The following LEF1 variants were observed in gnomAD, a reference collection of about 807,000 sequenced individuals.
LEF1 encodes the protein lymphoid enhancer binding factor 1.
In LEF1, 14 loss-of-function variants were observed where a neutral mutation model predicts 51.2. That is an observed-to-expected ratio of 0.27 (90% CI 0.18 to 0.43). LEF1 has a LOEUF of 0.43. LEF1 is among the 20% of genes least tolerant of loss of function. The pLI is 1.00. For missense variants in LEF1, 386 were observed against 512.0 expected, an observed-to-expected ratio of 0.75 and a Z score of 2.37; for synonymous variants, 185 against 183.2, an observed-to-expected ratio of 1.01 and a Z score of -0.08.
At chr4:108,101,533 G>A (rs1165189183) in intron 3 of LEF1, among the ~76,000 whole-genome samples, 1 of 152,196 alleles carries the variant, frequency 6.6e-6, no homozygotes. Flanking sequence ...ATTGAAGAAT[G>A]TTCTCAAGAC....
chr4:108,137,947 G>C (rs1743402622), intron 3 of LEF1, among the ~76,000 whole-genome samples: 1 of 152,028 alleles, frequency 6.6e-6, no homozygotes, highest in Non-Finnish European at 1.5e-5. Flanking sequence ...AAAGACTAGG[G>C]AAAAATGTGA....
At chr4:108,114,474 G>GC (rs1352770108) in intron 3 of LEF1, among the ~76,000 whole-genome samples, 1 of 152,120 alleles carries the variant, frequency 6.6e-6, no homozygotes, top group African/African-American at 2.4e-5. Context: ...CAACACACAA[G>GC]CATCTTATGT....
At chr4:108,091,460 A>T (rs544967304) in intron 3 of LEF1, among the ~76,000 whole-genome samples, 1 of 151,922 alleles carries the variant, frequency 6.6e-6, no homozygotes, top group Admixed American at 6.6e-5. Context: ...GGGGGAAAAA[A>T]AAGGAAAAAA....
At chr4:108,125,146 CTTTA>C (rs957271131) in intron 3 of LEF1, among the ~76,000 whole-genome samples, 5 of 151,826 alleles carry the variant, frequency 3.3e-5, no homozygotes, top group Non-Finnish European at 7.4e-5. Context: ...ATCTGTGTAC[CTTTA>C]TTTATTTATT....
At chr4:108,157,183 CACA>C (rs1744777962) in intron 3 of LEF1, among the ~76,000 whole-genome samples, 7 of 129,046 alleles carry the variant, frequency 5.4e-5, no homozygotes, top group African/African-American at 1.7e-4. Flanking sequence ...TATATATACA[CACA>C]CACACACACA....
At chr4:108,149,620 C>T (rs1744237973) in intron 3 of LEF1, among the ~76,000 whole-genome samples, 2 of 141,354 alleles carry the variant, frequency 1.4e-5, no homozygotes, top group Admixed American at 7.2e-5. Flanking sequence ...CATATATATA[C>T]ATGTGTATAT....
intron 3 of LEF1, among the ~76,000 whole-genome samples, chr4:108,134,984 A>AAACACTAC (rs1379308702): frequency 1.3e-5 from 2 of 152,242 alleles, no homozygotes; most frequent in African/African-American, 4.8e-5. Context: ...AAGGAATAAA[A>AAACACTAC]AACACTACAT....
At chr4:108,126,567 C>T (rs959862133) in intron 3 of LEF1, among the ~76,000 whole-genome samples, 5 of 151,742 alleles carry the variant, frequency 3.3e-5, no homozygotes. Flanking sequence ...CCTTGGGTGG[C>T]CAAGGAGGGC....
intron 3 of LEF1, among the ~76,000 whole-genome samples, chr4:108,107,673 T>C (rs1215441756): frequency 2.0e-5 from 3 of 152,190 alleles, no homozygotes; most frequent in Non-Finnish European, 4.4e-5. Flanking sequence ...AACTATCATC[T>C]TTTTGTCACT....
At chr4:108,144,485 G>GA (rs1490481026) in intron 3 of LEF1, among the ~76,000 whole-genome samples, 2 of 152,166 alleles carry the variant, frequency 1.3e-5, no homozygotes, top group Non-Finnish European at 1.5e-5. Context: ...TCAATAATTG[G>GA]ATGGTGCCCA....
intron 3 of LEF1, among the ~76,000 whole-genome samples, chr4:108,119,689 A>G (rs534244537): frequency 6.6e-6 from 1 of 152,262 alleles, no homozygotes; most frequent in East Asian, 1.9e-4. Flanking sequence ...ACACATATGT[A>G]CCTGTGCATT....
intron 3 of LEF1, among the ~76,000 whole-genome samples, chr4:108,099,525 T>C (rs1578341414): frequency 7.4e-6 from 1 of 134,736 alleles, no homozygotes; most frequent in Admixed American, 7.7e-5. Flanking sequence ...TATGTATATA[T>C]ATATATATAT....
At chr4:108,078,530 G>A (rs1560773715) in intron 7 of LEF1, 148 bp from the exon 8 acceptor site, 3 of 939,726 alleles carry the variant, frequency 3.2e-6, no homozygotes, top group East Asian at 2.4e-5. Context: ...ACTTGGAAGA[G>A]CAGTTATTGA....
intron 3 of LEF1, among the ~76,000 whole-genome samples, chr4:108,127,211 G>A (rs1742601333): frequency 1.3e-5 from 2 of 152,206 alleles, no homozygotes; most frequent in Non-Finnish European, 2.9e-5. Context: ...GAGGCTCAGT[G>A]ATCAGACGTG....
At chr4:108,151,519 G>A (rs1430967085) in intron 3 of LEF1, among the ~76,000 whole-genome samples, 1 of 152,154 alleles carries the variant, frequency 6.6e-6, no homozygotes, top group Non-Finnish European at 1.5e-5. Flanking sequence ...TACCAGTTGT[G>A]CAATCAGGGT....
chr4:108,087,221 T>A (rs1049706139), intron 4 of LEF1, among the ~76,000 whole-genome samples: 3 of 152,180 alleles, frequency 2.0e-5, no homozygotes, highest in Non-Finnish European at 4.4e-5. Context: ...AATTGGAGTT[T>A]ATATATCTCC....
intron 3 of LEF1, among the ~76,000 whole-genome samples, chr4:108,092,197 A>T (rs1740069452): frequency 6.6e-6 from 1 of 152,196 alleles, no homozygotes; most frequent in Non-Finnish European, 1.5e-5. Context: ...GGAAAGAGAT[A>T]AGAAGCCGAG....
intron 3 of LEF1, among the ~76,000 whole-genome samples, chr4:108,124,530 C>T (rs904857144): frequency 1.3e-5 from 2 of 151,958 alleles, no homozygotes; most frequent in Non-Finnish European, 2.9e-5. Flanking sequence ...CCACCACACC[C>T]GGCTAATTTT....
At chr4:108,145,071 T>C (rs1005365788) in intron 3 of LEF1, among the ~76,000 whole-genome samples, 2 of 152,146 alleles carry the variant, frequency 1.3e-5, no homozygotes, top group African/African-American at 4.8e-5. Context: ...AAAGAATACA[T>C]AGCATTATCC....
Sources: allele counts gnomAD v4.1 joint callset (sites outside exome capture counted in the v4.1 genomes callset), GRCh38; gene constraint gnomAD v4.1.1; transcripts MANE v1.5; gene names NCBI Gene and HGNC (gene_info 2026-07-23, HGNC 2026-07-21).